The following GAREM1 variants were observed in gnomAD, a reference collection of about 807,000 sequenced individuals.
GAREM1 encodes the protein GRB2 associated regulator of MAPK1 subtype 1.
Under a neutral mutation model 71.3 loss-of-function variants are expected in GAREM1, and 26 were observed. That is an observed-to-expected ratio of 0.36 (90% CI 0.27 to 0.51). GAREM1 has a LOEUF of 0.51. GAREM1 is among the 20% of genes least tolerant of loss of function. The pLI, the probability that GAREM1 is intolerant of heterozygous loss-of-function variation, is 0.95. For missense variants in GAREM1, 1,026 were observed against 1,103.1 expected, an observed-to-expected ratio of 0.93 and a Z score of 0.99; for synonymous variants, 440 against 433.2, an observed-to-expected ratio of 1.02 and a Z score of -0.20.
intron 1 of GAREM1, among the ~76,000 whole-genome samples, chr18:32,456,160 A>G (rs1240088616): frequency 6.6e-6 from 1 of 152,164 alleles, no homozygotes; most frequent in Non-Finnish European, 1.5e-5. Flanking sequence ...CTTAAATGGA[A>G]AAATGTAGAT....
At chr18:32,457,760 ATTATTTT>A (rs1465376747) in intron 1 of GAREM1, among the ~76,000 whole-genome samples, 1 of 152,014 alleles carries the variant, frequency 6.6e-6, no homozygotes, top group Non-Finnish European at 1.5e-5. Flanking sequence ...TTTTTTAATT[ATTATTTT>A]TTATTATACT....
At chr18:32,323,695 T>G (rs1016812179) in intron 2 of GAREM1, among the ~76,000 whole-genome samples, 1 of 152,062 alleles carries the variant, frequency 6.6e-6, no homozygotes, top group African/African-American at 2.4e-5. Context: ...GGCGACAGAG[T>G]AAGACCCTAT....
intron 3 of GAREM1, among the ~76,000 whole-genome samples, chr18:32,288,612 CTT>C (rs1313737073): frequency 6.6e-6 from 1 of 151,374 alleles, no homozygotes; most frequent in Non-Finnish European, 1.5e-5. Context: ...AGAAAAAGAA[CTT>C]AAAAATGTGG....
chr18:32,267,978 G>C lies in GAREM1; in HGVS notation c.2524C>G (p.Leu842Val). The C allele has an allele frequency of 6.2e-7, 1 of 1,613,862 alleles. No individual in the cohort carries two copies. The highest frequency in any genetic ancestry group is 8.5e-7 in the Non-Finnish European group (1 of 1,179,812). ...FFVTEKIDGN[L>V]LVQLTEEILS... ...ATTTCTTCCGTTAGCTGAACAAGCA[G>C]GTTCCCATCAATCTTTTCAGTAACA... is the stretch of plus-strand genomic sequence containing the variant. The change falls in exon 6 of 6, where the codon CTG becomes GTG. Residue 842 changes from leucine to valine, a missense_variant. Leu to Val is a conservative substitution (Grantham distance 32, BLOSUM62 1). Coordinates refer to ENST00000269209, the MANE Select transcript of GAREM1 (RefSeq NM_001242409.2).
intron 2 of GAREM1, among the ~76,000 whole-genome samples, chr18:32,324,508 G>A (rs949706790): frequency 1.1e-4 from 17 of 152,112 alleles, no homozygotes; most frequent in Non-Finnish European, 2.5e-4. Context: ...TAACCTGTGT[G>A]CCAAAACCGA....
At chr18:32,354,570 A>G (rs72931880) in intron 2 of GAREM1, among the ~76,000 whole-genome samples, 4,431 of 152,250 alleles carry the variant, frequency 0.029, 91 homozygotes, top group Middle Eastern at 0.068. Flanking sequence ...ACAAGCTACA[A>G]TCCCCCTCTC....
At chr18:32,432,001 T>C (rs1473057005) in intron 1 of GAREM1, among the ~76,000 whole-genome samples, 1 of 151,984 alleles carries the variant, frequency 6.6e-6, no homozygotes, top group Non-Finnish European at 1.5e-5. Flanking sequence ...CATTCTCAGG[T>C]GAAGAAAATC....
At chr18:32,373,698 G>A (rs2048008217) in intron 2 of GAREM1, among the ~76,000 whole-genome samples, 3 of 152,134 alleles carry the variant, frequency 2.0e-5, no homozygotes, top group South Asian at 4.1e-4. Flanking sequence ...CTCTAAGGTT[G>A]GTCACTAGGT....
intron 1 of GAREM1, among the ~76,000 whole-genome samples, chr18:32,456,605 T>C (rs1568018572): frequency 6.6e-6 from 1 of 152,102 alleles, no homozygotes; most frequent in Non-Finnish European, 1.5e-5. Context: ...CTACATTTTT[T>C]CCCTAAGATT....
chr18:32,363,016 TG>T (rs745851914), intron 2 of GAREM1, among the ~76,000 whole-genome samples: 1 of 152,188 alleles, frequency 6.6e-6, no homozygotes, highest in Non-Finnish European at 1.5e-5. Flanking sequence ...TTGCTTAAAT[TG>T]GGGTAAACTA....
intron 2 of GAREM1, among the ~76,000 whole-genome samples, chr18:32,383,795 C>T (rs1322227284): frequency 6.6e-6 from 1 of 152,062 alleles, no homozygotes; most frequent in African/African-American, 2.4e-5. Flanking sequence ...AACCCCATCC[C>T]TGTTTTGTGC....
chr18:32,373,245 T>C (rs1229206626), intron 2 of GAREM1, among the ~76,000 whole-genome samples: 1 of 152,196 alleles, frequency 6.6e-6, no homozygotes, highest in Non-Finnish European at 1.5e-5. Flanking sequence ...TTCTTGTTTA[T>C]AATGTCAAAA....
At chr18:32,401,927 G>T (rs2144672321) in intron 1 of GAREM1, among the ~76,000 whole-genome samples, 1 of 152,240 alleles carries the variant, frequency 6.6e-6, no homozygotes, top group Admixed American at 6.5e-5. Flanking sequence ...GATTCAGAAT[G>T]ATTTTTAAAG....
intron 2 of GAREM1, among the ~76,000 whole-genome samples, chr18:32,369,220 A>G (rs185552235): frequency 6.6e-5 from 10 of 152,338 alleles, no homozygotes; most frequent in Non-Finnish European, 2.9e-5. Flanking sequence ...AAGGTGCGGA[A>G]AGGCTTTTCA....
chr18:32,432,299 C>T (rs1351297515), intron 1 of GAREM1, among the ~76,000 whole-genome samples: 1 of 151,992 alleles, frequency 6.6e-6, no homozygotes, highest in African/African-American at 2.4e-5. Context: ...ACATTAAATG[C>T]TTACATTATA....
At chr18:32,331,136 C>G (rs7230250) in intron 2 of GAREM1, among the ~76,000 whole-genome samples, 23,703 of 151,890 alleles carry the variant, frequency 0.16, 2,637 homozygotes, top group African/African-American at 0.31. Context: ...ATTATTATTC[C>G]TTTGGTGGGT....
At chr18:32,278,216 G>T (rs894495219) in intron 4 of GAREM1, among the ~76,000 whole-genome samples, 1 of 152,154 alleles carries the variant, frequency 6.6e-6, no homozygotes, top group East Asian at 1.9e-4. Context: ...GAGCAGTGGT[G>T]GGTGCTCAAC....
chr18:32,384,000 T>C (rs1440682506), intron 2 of GAREM1, among the ~76,000 whole-genome samples: 2 of 152,200 alleles, frequency 1.3e-5, no homozygotes, highest in Admixed American at 6.5e-5. Context: ...AATTCTGCAA[T>C]GTATTTGCTC....
intron 3 of GAREM1, among the ~76,000 whole-genome samples, chr18:32,290,531 G>C (rs2047070134): frequency 6.6e-6 from 1 of 151,664 alleles, no homozygotes; most frequent in Non-Finnish European, 1.5e-5. Context: ...TGTAGTCCCA[G>C]GTACTTTGGA....
Sources: allele counts gnomAD v4.1 joint callset (sites outside exome capture counted in the v4.1 genomes callset), GRCh38; gene constraint gnomAD v4.1.1; transcripts MANE v1.5; gene names NCBI Gene and HGNC (gene_info 2026-07-23, HGNC 2026-07-21).